Variants in WASF1 observed in about 807,000 individuals in gnomAD.
The protein encoded by WASF1 is WASP family member 1, also known as actin-binding protein WASF1.
WASF1 carries 7 observed loss-of-function variants against 50.5 expected under a neutral mutation model. That is an observed-to-expected ratio of 0.14 (90% CI 0.08 to 0.26). The LOEUF (loss-of-function observed/expected upper bound fraction) is 0.26, where lower values mean the gene tolerates loss of function less well. WASF1 is among the 10% of genes least tolerant of loss of function. The pLI is 1.00. For synonymous variants in WASF1, 205 were observed against 244.0 expected (o/e 0.84, Z 1.49); for missense variants, 470 against 694.7 (o/e 0.68, Z 3.64).
intron 4 of WASF1, among the ~76,000 whole-genome samples, chr6:110,125,567 A>T (rs1231886738): frequency 1.3e-5 from 2 of 152,198 alleles, no homozygotes; most frequent in African/African-American, 4.8e-5. Context: ...TCTTTAGTGC[A>T]TGAGTTTATT....
chr6:110,172,033 A>T (rs1776742712), intron 2 of WASF1, among the ~76,000 whole-genome samples: 1 of 152,198 alleles, frequency 6.6e-6, no homozygotes, highest in African/African-American at 2.4e-5. Flanking sequence ...TCAGGAAACA[A>T]CAGATGCTGG....
chr6:110,124,266 CTCTCTCTCTATATATATA>C (rs1774307721), intron 4 of WASF1, among the ~76,000 whole-genome samples: 2 of 62,592 alleles, frequency 3.2e-5, no homozygotes, highest in African/African-American at 1.7e-4. Flanking sequence ...CTCTCTCTCT[CTCTCTCTCTATATATATA>C]TATATATATA....
intron 4 of WASF1, among the ~76,000 whole-genome samples, chr6:110,125,006 T>C (rs780708412): frequency 3.3e-5 from 5 of 152,236 alleles, no homozygotes; most frequent in Non-Finnish European, 5.9e-5. Context: ...CTTTCATTGC[T>C]ATATTCTCAA....
chr6:110,167,078 T>C (rs1776508032), intron 2 of WASF1, among the ~76,000 whole-genome samples: 2 of 151,780 alleles, frequency 1.3e-5, no homozygotes, highest in South Asian at 4.1e-4. Flanking sequence ...ACTGTAGCCA[T>C]CATGCAGTGT....
At chr6:110,133,349 A>G (rs1254240932) in intron 3 of WASF1, among the ~76,000 whole-genome samples, 2 of 151,424 alleles carry the variant, frequency 1.3e-5, no homozygotes, top group Non-Finnish European at 2.9e-5. Flanking sequence ...TTGTACAATG[A>G]CTTTTTTATA....
chr6:110,107,205 A>C lies in WASF1; in HGVS notation c.423-11T>G. On this transcript the variant is annotated splice_polypyrimidine_tract_variant and intron_variant, in intron 6 of 10. Coordinates refer to ENST00000392589, the MANE Select transcript of WASF1 (RefSeq NM_003931.3). ...TCTTTACCATCATCTCTGAAATATA[A>C]AATATCAATTAAAACACACATTAGT... 1 of 1,525,748 alleles carries C rather than the reference A, an allele frequency of 6.6e-7. No individual in the cohort carries two copies. Among genetic ancestry groups the C allele is most frequent in the South Asian group, 1.2e-5 (1 of 83,772 alleles). 94.5% of individuals were successfully genotyped at this position (1,525,748 alleles called of 1,614,324 possible). A position where few individuals can be genotyped will look rare whatever the true frequency, so the allele number is the denominator to read the frequency against.
chr6:110,114,979 C>T (rs977431277), intron 4 of WASF1, among the ~76,000 whole-genome samples: 4 of 151,846 alleles, frequency 2.6e-5, no homozygotes, highest in Non-Finnish European at 4.4e-5. Context: ...GTAGTCCCAG[C>T]TACTTGGGGA....
chr6:110,108,048 A>T (rs917845346), intron 6 of WASF1, among the ~76,000 whole-genome samples: 1 of 144,518 alleles, frequency 6.9e-6, no homozygotes, highest in Non-Finnish European at 1.5e-5. Context: ...CTGTAGTCCC[A>T]GCTACTCGGT....
At position 110,104,372 on chromosome 6, in the gene WASF1, G is replaced by A. The variant is rs532984190; in HGVS notation, c.714-815C>T. Among the ~76,000 whole-genome samples, 7 of 152,228 alleles carry A rather than the reference G, an allele frequency of 4.6e-5. No individual in the cohort carries two copies. In the South Asian group the frequency reaches 1.5e-3, roughly 32 times the overall value. On this transcript the variant is annotated intron_variant, in intron 8 of 10. Transcript: ENST00000392589. ...TAATGTCAATTCTTTCAGTAATACA[G>A]ATAAATAGTATCTCTCAGATGTATA...
intron 8 of WASF1, among the ~76,000 whole-genome samples, chr6:110,104,606 T>C (rs2114453996): frequency 6.6e-6 from 1 of 152,220 alleles, no homozygotes; most frequent in African/African-American, 2.4e-5. Context: ...CCGGCCAACA[T>C]GGTGAGACCC....
intron 3 of WASF1, among the ~76,000 whole-genome samples, chr6:110,137,575 C>T (rs1775025801): frequency 6.6e-6 from 1 of 152,172 alleles, no homozygotes; most frequent in African/African-American, 2.4e-5. Flanking sequence ...TATATACTGG[C>T]CTCCTTCCTT....
At chr6:110,126,801 A>G (rs1164030478) in intron 4 of WASF1, among the ~76,000 whole-genome samples, 2 of 152,202 alleles carry the variant, frequency 1.3e-5, no homozygotes, top group Admixed American at 6.5e-5. Flanking sequence ...AAGTTGCTCT[A>G]TTCTGTAAAT....
At chr6:110,143,886 A>T (rs545549041) in intron 3 of WASF1, among the ~76,000 whole-genome samples, 8 of 152,336 alleles carry the variant, frequency 5.3e-5, no homozygotes, top group African/African-American at 1.7e-4. Context: ...GGTTGGTTCC[A>T]AGTCTTTGCT....
At chr6:110,131,027 C>T (rs1774642635) in intron 3 of WASF1, among the ~76,000 whole-genome samples, 1 of 151,904 alleles carries the variant, frequency 6.6e-6, no homozygotes, top group African/African-American at 2.4e-5. Context: ...CATTTTTGGC[C>T]ATTTGTTGTG....
chr6:110,160,466 A>C (rs573284863), intron 3 of WASF1, among the ~76,000 whole-genome samples, 169 bp downstream of exon 3: 5 of 151,786 alleles, frequency 3.3e-5, no homozygotes, highest in South Asian at 2.1e-4. Context: ...AAAACCACCA[A>C]CGTTTTCTAA....
intron 2 of WASF1, among the ~76,000 whole-genome samples, chr6:110,174,952 C>CA (rs1181205110): frequency 6.6e-6 from 1 of 152,036 alleles, no homozygotes; most frequent in African/African-American, 2.4e-5. Flanking sequence ...ACTGGGAACA[C>CA]AAAAATGAAG....
intron 3 of WASF1, among the ~76,000 whole-genome samples, chr6:110,154,193 C>G (rs1191995483): frequency 6.6e-6 from 1 of 151,982 alleles, no homozygotes; most frequent in Non-Finnish European, 1.5e-5. Flanking sequence ...TACTTTTTTC[C>G]AACATAATTC....
intron 2 of WASF1, among the ~76,000 whole-genome samples, chr6:110,169,807 T>C (rs571987623): frequency 6.6e-6 from 1 of 152,166 alleles, no homozygotes; most frequent in Non-Finnish European, 1.5e-5. Flanking sequence ...ACAGGGTTGT[T>C]GTGAGGATTA....
At position 110,146,061 on chromosome 6, in the gene WASF1, A is replaced by C. The variant is rs186971739; in HGVS notation, c.-29+14574T>G. On this transcript the variant is annotated intron_variant, in intron 3 of 10. Transcript: ENST00000392589. ...GACGAGTTAATGGGTACAGCACACC[A>C]ACATGGCACACGTATACATATGTAA... Among the ~76,000 whole-genome samples, 180 of 152,254 alleles carry C rather than the reference A, an allele frequency of 1.2e-3. 1 individual carries two copies. The highest frequency in any genetic ancestry group is 2.2e-3 in the Non-Finnish European group (150 of 67,996).
Sources: allele counts gnomAD v4.1 joint callset (sites outside exome capture counted in the v4.1 genomes callset), GRCh38; gene constraint gnomAD v4.1.1; transcripts MANE v1.5; gene names NCBI Gene and HGNC (gene_info 2026-07-23, HGNC 2026-07-21).